Variants in DHX16 observed in about 807,000 individuals in gnomAD.
DHX16 encodes DEAH-box helicase 16.
In DHX16, 81 loss-of-function variants were observed where a neutral mutation model predicts 131.2. The observed-to-expected ratio is 0.62, with a 90% CI of 0.52 to 0.74. DHX16 has a LOEUF of 0.74. Ranked by LOEUF, DHX16 falls within the 30% of genes least tolerant of loss-of-function variation. The pLI is 0.00. For synonymous variants in DHX16, 440 were observed against 520.2 expected, an observed-to-expected ratio of 0.85 and a Z score of 2.10; for missense variants, 980 against 1,363.1, an observed-to-expected ratio of 0.72 and a Z score of 4.43.
intron 9 of DHX16, chr6:30,661,911 A>G (rs1016306964): frequency 2.8e-6 from 2 of 716,818 alleles, no homozygotes; most frequent in African/African-American, 1.7e-5. Context: ...TATCTGTCCA[A>G]TTGCTCCACT....
rs749340666 is a variant in DHX16, at chr6:30,665,201, G to A, written c.995C>T (p.Ala332Val). Residue 332 changes from alanine to valine, a missense_variant, in exon 6 of 20, where the codon GCG becomes GTG. By Grantham distance (64) the Ala-to-Val change is moderately conservative. Coordinates refer to ENST00000376442, the MANE Select transcript of DHX16 (RefSeq NM_003587.5). This position sits in a 1 kb window ranked among gnomAD's most constrained non-coding sequence, Gnocchi z 4.8. ...CTTCAGGGACGCTGCCCCAAGCCGC[G>A]CCTCCTCCCAGCGCCGCTGCTCCTC... ...PGEEQRRWEE[A>V]RLGAASLKFG... 1 of 1,609,614 alleles carries A rather than the reference G, an allele frequency of 6.2e-7. No homozygotes were observed. The highest frequency in any genetic ancestry group is 8.5e-7 in the Non-Finnish European group (1 of 1,179,836).
In DHX16 at chr6:30,665,005, AAGG is replaced by A. The variant is rs766004944; in HGVS notation, c.1126-16_1126-14del. The A allele has an allele frequency of 5.6e-6, 9 of 1,613,120 alleles. No individual in the cohort carries two copies. The highest frequency in any genetic ancestry group is 3.3e-5 in the Admixed American group (2 of 60,004). ...GAGCTGACGGCTCCTAAGGAAAGAG[AAGG>A]AGGTGTGAGCTAAATAGCTCGCTAC... On this transcript the variant is annotated splice_polypyrimidine_tract_variant and intron_variant, in intron 6 of 19. Coordinates refer to ENST00000376442, the MANE Select transcript of DHX16 (RefSeq NM_003587.5). This position sits in a 1 kb window ranked among gnomAD's most constrained non-coding sequence, Gnocchi z 4.8.
At chr6:30,671,472 C>G (rs1248159843) in intron 1 of DHX16, among the ~76,000 whole-genome samples, 198 bp from the exon 2 acceptor site, 1 of 152,152 alleles carries the variant, frequency 6.6e-6, no homozygotes, top group African/African-American at 2.4e-5. Flanking sequence ...CTCAGCCTCC[C>G]AAGTAGCTGA....
rs1295011790 is a variant in DHX16 at position 30,653,239 on chromosome 6, C to CTCTT, written c.3125_*2dup. ...GGTGTCAGGTTCTGTTTACGTCCTT[C>CTCTT]TCTTACCCTAGCTCTTCTCGTGTTT... On this transcript the variant is annotated 3_prime_UTR_variant, in exon 20 of 20. Transcript: ENST00000376442. The CTCTT allele has an allele frequency of 6.2e-7, 1 of 1,612,712 alleles. No individual in the cohort carries two copies. The highest frequency in any genetic ancestry group is 8.5e-7 in the Non-Finnish European group (1 of 1,179,900).
In DHX16 at chr6:30,662,537, A is replaced by C; in HGVS notation, c.1544+90T>G. On this transcript the variant is annotated intron_variant, in intron 9 of 19. Coordinates refer to ENST00000376442, the MANE Select transcript of DHX16 (RefSeq NM_003587.5). This position sits in a 1 kb window ranked among gnomAD's most constrained non-coding sequence, Gnocchi z 4.7. ...CAGTTCAAGGACCATTTGAACCACA[A>C]AGATTCAAGAACGGGTGGATTAATC... 8.8e-7 allele frequency: 1 copy of C among 1,135,226 alleles called. No individual in the cohort carries two copies. The highest frequency in any genetic ancestry group is 1.3e-6 in the Non-Finnish European group (1 of 764,104). 70.3% of individuals were successfully genotyped at this position (1,135,226 alleles called of 1,614,324 possible). A position where few individuals can be genotyped will look rare whatever the true frequency, so the allele number is the denominator to read the frequency against.
chr6:30,664,794 AC>A lies in DHX16; in HGVS notation c.1317+6del. ...CCCTGGCAAGCTGAAGGGTGAGATGACTGTACCTCCTCAAAGAGATACTGCG... is the reference window on the plus strand; with the variant it reads ...CCCTGGCAAGCTGAAGGGTGAGATGATGTACCTCCTCAAAGAGATACTGCG... On this transcript the variant is annotated splice_donor_region_variant and intron_variant, in intron 7 of 19. Coordinates refer to ENST00000376442, the MANE Select transcript of DHX16 (RefSeq NM_003587.5). 1 of 1,607,500 alleles carries A rather than the reference AC, an allele frequency of 6.2e-7. No homozygotes were observed. Among genetic ancestry groups the A allele is most frequent in the Non-Finnish European group, 8.5e-7 (1 of 1,175,342 alleles).
intron 19 of DHX16, among the ~76,000 whole-genome samples, chr6:30,653,897 G>A (rs556734309): frequency 5.3e-5 from 8 of 150,328 alleles, no homozygotes; most frequent in East Asian, 2.0e-4. Flanking sequence ...CGTGGCAGGC[G>A]GATCATGAGG....
chr6:30,668,754 G>A (rs182688404), intron 4 of DHX16, among the ~76,000 whole-genome samples: 4 of 152,314 alleles, frequency 2.6e-5, no homozygotes, highest in Admixed American at 1.3e-4. Flanking sequence ...ATTTCAGGAA[G>A]AGATATGAGA....
At chr6:30,664,023 C>CA (rs932337444) in intron 7 of DHX16, among the ~76,000 whole-genome samples, 126 of 145,276 alleles carry the variant, frequency 8.7e-4, no homozygotes, top group Middle Eastern at 7.4e-3. Flanking sequence ...GACTCCACCT[C>CA]AAAAAAAAAC....
rs764900672 is a variant in DHX16, at chr6:30,662,887, C to T, written c.1428+24G>A. The T allele has an allele frequency of 6.2e-7, 1 of 1,606,262 alleles. No individual in the cohort carries two copies. Among genetic ancestry groups the T allele is most frequent in the East Asian group, 2.2e-5 (1 of 44,858 alleles). ...CTGAGTCACAGACCCCAGACTCTAC[C>T]CCCCGGTTCCCTAGAAATCTCACCT... On this transcript the variant is annotated intron_variant, in intron 8 of 19. Transcript: ENST00000376442. This position sits in a 1 kb window ranked among gnomAD's most constrained non-coding sequence, Gnocchi z 4.7.
chr6:30,660,192 A>G lies in DHX16; in HGVS notation c.1595T>C (p.Leu532Pro). 1 of 1,566,260 alleles carries G rather than the reference A, an allele frequency of 6.4e-7. No individual in the cohort carries two copies. The highest frequency in any genetic ancestry group is 8.7e-7 in the Non-Finnish European group (1 of 1,155,078). Reference sequence around the variant, plus strand: ...AGCAACATCCTTGATCAATCCAAAGAGAATGTCTGTGTGTAGGGTCCTTTC... The same window carrying G: ...AGCAACATCCTTGATCAATCCAAAGGGAATGTCTGTGTGTAGGGTCCTTTC... ...AHERTLHTDI[L>P]FGLIKDVARF... The change falls in exon 10 of 20, where the codon CTC becomes CCC. Residue 532 changes from leucine (L) to proline (P), a missense_variant. By Grantham distance (98) the Leu-to-Pro change is moderately conservative (BLOSUM62 -3). Transcript: ENST00000376442.
chr6:30,653,455 C>CA (rs1561962771), intron 19 of DHX16, 85 bp from the exon 20 acceptor site: 6 of 1,451,342 alleles, frequency 4.1e-6, no homozygotes, highest in Non-Finnish European at 5.5e-6. Context: ...TAAATTGAAA[C>CA]AGAGTCTTGC....
chr6:30,668,068 G>C (rs1441693900), intron 4 of DHX16, among the ~76,000 whole-genome samples: 2 of 152,150 alleles, frequency 1.3e-5, no homozygotes, highest in Admixed American at 6.5e-5. Context: ...GATCTTAGTC[G>C]ATACATAAGA....
At chr6:30,663,142 G>T in intron 7 of DHX16, 121 bp from the exon 8 acceptor site, 1 of 803,292 alleles carries the variant, frequency 1.2e-6, no homozygotes, top group Non-Finnish European at 2.0e-6. Context: ...AAAGACAGAT[G>T]CTGAAAACCA....
intron 12 of DHX16, among the ~76,000 whole-genome samples, chr6:30,658,597 G>A (rs1377571703): frequency 1.3e-5 from 2 of 148,484 alleles, no homozygotes; most frequent in Admixed American, 1.3e-4. Context: ...TGTAATCCCA[G>A]CTACTTGGGA....
At position 30,670,710 on chromosome 6, in the gene DHX16, C is replaced by T. The variant is rs1769451737; in HGVS notation, c.609+80G>A. 1.3e-6 allele frequency: 2 copies of T among 1,553,754 alleles called. No individual in the cohort carries two copies. The highest frequency in any genetic ancestry group is 1.8e-6 in the Non-Finnish European group (2 of 1,135,456). ...GACAGCCCCTTGTCTTCCCAGAGAT[C>T]ACTATCTCTGCACTCACAGCCAACC... On this transcript the variant is annotated intron_variant, in intron 3 of 19. Coordinates refer to ENST00000376442, the MANE Select transcript of DHX16 (RefSeq NM_003587.5). The surrounding 1 kb of genome is among the most constrained non-coding windows in gnomAD (Gnocchi z 4.4).
Position 30,656,007 on chromosome 6 carries a change from T to A in DHX16, c.2498+191A>T, listed in dbSNP as rs533447091. Among the ~76,000 whole-genome samples, 54 of 152,200 alleles carry A rather than the reference T, an allele frequency of 3.5e-4. No homozygotes were observed. Among genetic ancestry groups the A allele is most frequent in the African/African-American group, 1.2e-3 (51 of 41,504 alleles). On this transcript the variant is annotated intron_variant, in intron 16 of 19. Coordinates refer to ENST00000376442, the MANE Select transcript of DHX16 (RefSeq NM_003587.5). This position sits in a 1 kb window ranked among gnomAD's most constrained non-coding sequence, Gnocchi z 5.1. ...AAGTTCCTCAAGGGGCCGGGCGCAG[T>A]GGAATCAAGGATAGGATCAAGTGTC...
chr6:30,668,924 G>A (rs1769281452), intron 4 of DHX16, among the ~76,000 whole-genome samples: 1 of 151,824 alleles, frequency 6.6e-6, no homozygotes, highest in Non-Finnish European at 1.5e-5. Flanking sequence ...TGACCAACAT[G>A]GAGAAACCCC....
chr6:30,665,011 G>A lies in DHX16; in HGVS notation c.1126-19C>T. The A allele has an allele frequency of 6.2e-7, 1 of 1,613,792 alleles. No homozygotes were observed. Among genetic ancestry groups the A allele is most frequent in the Non-Finnish European group, 8.5e-7 (1 of 1,179,736 alleles). The stretch of plus-strand genomic sequence containing the variant: ...ACGGCTCCTAAGGAAAGAGAAGGAG[G>A]TGTGAGCTAAATAGCTCGCTACGGG... On this transcript the variant is annotated intron_variant, in intron 6 of 19. Coordinates refer to ENST00000376442, the MANE Select transcript of DHX16 (RefSeq NM_003587.5). The surrounding 1 kb of genome is among the most constrained non-coding windows in gnomAD (Gnocchi z 4.8).
Sources: allele counts gnomAD v4.1 joint callset (sites outside exome capture counted in the v4.1 genomes callset), GRCh38; gene constraint gnomAD v4.1.1; non-coding constraint Gnocchi (gnomAD v3.1); transcripts MANE v1.5; gene names NCBI Gene and HGNC (gene_info 2026-07-23, HGNC 2026-07-21).